The following ZNF541 variants were observed in gnomAD, a reference collection of about 807,000 sequenced individuals.
The protein encoded by ZNF541 is zinc finger protein 541.
Under a neutral mutation model 123.5 loss-of-function variants are expected in ZNF541, and 23 were observed. That is an observed-to-expected ratio of 0.19 (90% CI 0.13 to 0.26). ZNF541 has a LOEUF of 0.26. Ranked by LOEUF, ZNF541 falls within the 10% of genes least tolerant of loss-of-function variation. The pLI, the probability that ZNF541 is intolerant of heterozygous loss-of-function variation, is 1.00. For synonymous variants in ZNF541, 751 were observed against 754.5 expected (o/e 1.00, Z 0.08); for missense variants, 1,612 against 1,789.9 (o/e 0.90, Z 1.79).
chr19:47,556,068 A>G (rs528928975), intron 2 of ZNF541, among the ~76,000 whole-genome samples, 114 bp from the exon 3 acceptor site: 2 of 152,308 alleles, frequency 1.3e-5, no homozygotes, highest in African/African-American at 4.8e-5. Flanking sequence ...CTGCCTCATA[A>G]CAGCCATGTG....
Position 47,529,560 on chromosome 19 carries a change from C to G in ZNF541, c.3481+17G>C. On this transcript the variant is annotated intron_variant, in intron 13 of 16. Coordinates refer to ENST00000391901, the MANE Select transcript of ZNF541 (RefSeq NM_001277075.3). ...TCTCAGCTGGGCCAAACCAGCTCAG[C>G]AGCCTTTCCCCGTCACCTGTGTAGC... 1 of 1,551,470 alleles carries G rather than the reference C, an allele frequency of 6.4e-7. No individual in the cohort carries two copies. Among genetic ancestry groups the G allele is most frequent in the Non-Finnish European group, 8.7e-7 (1 of 1,146,854 alleles).
chr19:47,549,619 G>A lies in ZNF541; in HGVS notation c.308-134C>T, dbSNP rs1289562257. ...CGCGAGAACTCTTGCTCCACACAAAGTAAACAAGGTTCAGGAGCAGGTGAG... is the reference window on the plus strand; with the variant it reads ...CGCGAGAACTCTTGCTCCACACAAAATAAACAAGGTTCAGGAGCAGGTGAG... On this transcript the variant is annotated intron_variant, in intron 3 of 16. Coordinates refer to ENST00000391901, the MANE Select transcript of ZNF541 (RefSeq NM_001277075.3). 4 of 1,364,626 alleles carry A rather than the reference G, an allele frequency of 2.9e-6. No individual in the cohort carries two copies. In the East Asian group the frequency reaches 7.6e-5, roughly 26 times the overall value. The allele number at this position is 1,364,626 out of a possible 1,614,324, so 84.5% of individuals were successfully genotyped here. A position where few individuals can be genotyped will look rare whatever the true frequency, so the allele number is the denominator to read the frequency against.
At chr19:47,560,391 C>G (rs1277169260) in intron 2 of ZNF541, among the ~76,000 whole-genome samples, 1 of 151,968 alleles carries the variant, frequency 6.6e-6, no homozygotes, top group Non-Finnish European at 1.5e-5. Flanking sequence ...GCCTGGCCAA[C>G]ACGGTGAAAC....
At position 47,545,740 on chromosome 19, in the gene ZNF541, C is replaced by A; in HGVS notation, c.789G>T (p.Arg263Ser). 1 of 1,544,836 alleles carries A rather than the reference C, an allele frequency of 6.5e-7. No individual in the cohort carries two copies. Among genetic ancestry groups the A allele is most frequent in the Non-Finnish European group, 8.7e-7 (1 of 1,146,362 alleles). The change falls in exon 5 of 17, where the codon AGG (arginine) becomes AGT (serine). Residue 263 changes from arginine to serine, a missense_variant. Physicochemically the swap from Arg to Ser is moderately radical, Grantham distance 110. This residue lies in a region of ZNF541 where 1,080 missense variants were observed against 1,013.8 expected (regional missense o/e 1.07). Coordinates refer to ENST00000391901, the MANE Select transcript of ZNF541 (RefSeq NM_001277075.3). The surrounding 1 kb of genome is among the most constrained non-coding windows in gnomAD (Gnocchi z 7.5). ...GGTGGGGCAGGAGGGAGCCGGGGGA[C>A]CTGGCCTCTGGGGGCACCAGGGACC... is the stretch of plus-strand genomic sequence containing the variant. ...SLRSLVPPEA[R>S]SPGSLLPHRD... is the part of the protein sequence containing the mutation.
Position 47,544,752 on chromosome 19 carries a change from G to A in ZNF541, c.1777C>T (p.Leu593=), listed in dbSNP as rs570210946. 1.3e-6 allele frequency: 2 copies of A among 1,502,410 alleles called. No homozygotes were observed. The highest frequency in any genetic ancestry group is 4.9e-5 in the East Asian group (2 of 40,538). 93.1% of individuals were successfully genotyped at this position (1,502,410 alleles called of 1,614,324 possible). A position where few individuals can be genotyped will look rare whatever the true frequency, so the allele number is the denominator to read the frequency against. The change falls in exon 5 of 17, where the codon CTG becomes TTG. Residue 593 remains leucine (L), a synonymous_variant. Transcript: ENST00000391901. ...PEGKPAALRP[L]QGPWPQQPPP... is the part of the protein sequence containing the mutation. ...GGCTGCTGCGGCCACGGCCCCTGCA[G>A]CGGCCTCAGGGCGGCTGGTTTGCCC...
chr19:47,533,914 C>A (rs1969698588), intron 9 of ZNF541, among the ~76,000 whole-genome samples: 2 of 152,198 alleles, frequency 1.3e-5, no homozygotes, highest in Admixed American at 1.3e-4. Flanking sequence ...GACCTGCTCC[C>A]TTACCCAGCC....
intron 2 of ZNF541, among the ~76,000 whole-genome samples, chr19:47,569,631 G>A (rs1298344024): frequency 6.6e-6 from 1 of 152,036 alleles, no homozygotes; most frequent in Non-Finnish European, 1.5e-5. Context: ...CTGAGGCCTA[G>A]GTAGGAAGAT....
At position 47,545,934 on chromosome 19, in the gene ZNF541, T is replaced by C. The variant is rs1021792812; in HGVS notation, c.595A>G (p.Ile199Val). The change falls in exon 5 of 17, where the codon ATC (isoleucine) becomes GTC (valine). Residue 199 changes from isoleucine (I) to valine (V), a missense_variant. By Grantham distance (29) the Ile-to-Val change is conservative. Transcript: ENST00000391901. The surrounding 1 kb of genome is among the most constrained non-coding windows in gnomAD (Gnocchi z 7.5). ...THQKTKPFVC[I>V]EQGCSKSYCD... The stretch of plus-strand genomic sequence containing the variant: ...TAGCTCTTGCTGCAGCCCTGCTCGA[T>C]GCACACGAAGGGCTTTGTCTTCTGG... 44 of 1,519,444 alleles carry C rather than the reference T, an allele frequency of 2.9e-5. No homozygotes were observed. The highest frequency in any genetic ancestry group is 3.4e-4 in the Middle Eastern group (2 of 5,876). The allele number at this position is 1,519,444 out of a possible 1,614,324, so 94.1% of individuals were successfully genotyped here. A position where few individuals can be genotyped will look rare whatever the true frequency, so the allele number is the denominator to read the frequency against.
intron 2 of ZNF541, among the ~76,000 whole-genome samples, chr19:47,564,729 C>T (rs929581041): frequency 1.3e-5 from 2 of 152,134 alleles, no homozygotes; most frequent in Non-Finnish European, 1.5e-5. Flanking sequence ...ACTAGTACAG[C>T]CACTATAGAA....
At chr19:47,527,379 T>C (rs1268751532) in intron 14 of ZNF541, among the ~76,000 whole-genome samples, 3 of 152,182 alleles carry the variant, frequency 2.0e-5, no homozygotes, top group South Asian at 4.1e-4. Context: ...GGACATTATA[T>C]GCAGTGAGAT....
chr19:47,559,947 G>A (rs1362405934), intron 2 of ZNF541, among the ~76,000 whole-genome samples: 2 of 152,044 alleles, frequency 1.3e-5, no homozygotes, highest in Non-Finnish European at 2.9e-5. Context: ...TGGCTCAGCA[G>A]TGGTCTCGAA....
At chr19:47,555,497 A>G in intron 3 of ZNF541, 53 bp downstream of exon 3, 1 of 1,469,580 alleles carries the variant, frequency 6.8e-7, no homozygotes, top group Non-Finnish European at 9.0e-7. Context: ...CTAGCTGGCC[A>G]CAGAAACTGT....
At chr19:47,563,642 T>A (rs1269670390) in intron 2 of ZNF541, among the ~76,000 whole-genome samples, 1 of 152,196 alleles carries the variant, frequency 6.6e-6, no homozygotes, top group African/African-American at 2.4e-5. Context: ...AGTCTTGCTG[T>A]GTCCCCTAGG....
At chr19:47,530,998 C>T (rs1051067065) in intron 12 of ZNF541, among the ~76,000 whole-genome samples, 3 of 152,242 alleles carry the variant, frequency 2.0e-5, no homozygotes. Flanking sequence ...AGCGTGGAGC[C>T]CCTCAGCTGG....
intron 5 of ZNF541, among the ~76,000 whole-genome samples, chr19:47,542,374 G>C (rs1288738247): frequency 7.9e-5 from 12 of 152,150 alleles, no homozygotes; most frequent in African/African-American, 2.9e-4. Flanking sequence ...GGTGTATTCA[G>C]GCCAGGCACC....
intron 9 of ZNF541, among the ~76,000 whole-genome samples, chr19:47,535,188 C>T (rs1228303829): frequency 1.3e-5 from 2 of 152,126 alleles, no homozygotes; most frequent in Admixed American, 6.6e-5. Context: ...CTCCTGACCT[C>T]GTGATCCGCC....
At chr19:47,572,762 C>T (rs1349741880) in intron 1 of ZNF541, among the ~76,000 whole-genome samples, 2 of 148,188 alleles carry the variant, frequency 1.3e-5, no homozygotes, top group Non-Finnish European at 3.0e-5. Flanking sequence ...GCAGTTGAGG[C>T]CCGGGGGGAC....
intron 2 of ZNF541, among the ~76,000 whole-genome samples, chr19:47,559,991 G>T (rs983436569): frequency 6.6e-6 from 1 of 152,146 alleles, no homozygotes; most frequent in Non-Finnish European, 1.5e-5. Context: ...TGGGTTCCCT[G>T]GTGCTGGAGG....
intron 2 of ZNF541, among the ~76,000 whole-genome samples, chr19:47,556,816 G>A (rs1052887696): frequency 2.7e-5 from 4 of 147,506 alleles, no homozygotes; most frequent in Non-Finnish European, 4.4e-5. Context: ...GGAGTGCAGT[G>A]GCGGGATCTC....
Sources: allele counts gnomAD v4.1 joint callset (sites outside exome capture counted in the v4.1 genomes callset), GRCh38; gene constraint gnomAD v4.1.1; regional missense constraint gnomAD v4.1.1; non-coding constraint Gnocchi (gnomAD v3.1); transcripts MANE v1.5; gene names NCBI Gene and HGNC (gene_info 2026-07-23, HGNC 2026-07-21).